PRKAG2: variants seen among roughly 807,000 people sequenced by gnomAD.
The protein encoded by PRKAG2 is 5'-AMP-activated protein kinase subunit gamma-2.
In PRKAG2, 26 loss-of-function variants were observed where a neutral mutation model predicts 69.6. The observed-to-expected ratio is 0.37, with a 90% confidence interval of 0.27 to 0.52. PRKAG2 has a LOEUF of 0.52. PRKAG2 is among the 20% of genes least tolerant of loss of function. The pLI is 0.90. For missense variants in PRKAG2, 557 were observed against 740.0 expected (o/e 0.75, Z 2.87); for synonymous variants, 293 against 285.0 (o/e 1.03, Z -0.28).
chr7:151,615,201 A>G (rs1005091491), intron 5 of PRKAG2, among the ~76,000 whole-genome samples: 1 of 152,232 alleles, frequency 6.6e-6, no homozygotes, highest in Non-Finnish European at 1.5e-5. Flanking sequence ...TGGAAAGGGC[A>G]TGATCTCATT....
chr7:151,578,906 G>A (rs139191812), intron 6 of PRKAG2, among the ~76,000 whole-genome samples: 8 of 152,244 alleles, frequency 5.3e-5, no homozygotes, highest in Non-Finnish European at 8.8e-5. Flanking sequence ...TGGAAAAGTC[G>A]CATGTAAATA....
chr7:151,818,141 A>G (rs556149405), intron 1 of PRKAG2, among the ~76,000 whole-genome samples: 1 of 152,346 alleles, frequency 6.6e-6, no homozygotes, highest in Non-Finnish European at 1.5e-5. Context: ...TTGGGGCCTT[A>G]TGATATTACA....
Position 151,565,872 on chromosome 7 carries a change from G to T in PRKAG2, c.1247C>A (p.Pro416Gln). 1 of 1,613,464 alleles carries T rather than the reference G, an allele frequency of 6.2e-7. No homozygotes were observed. The highest frequency in any genetic ancestry group is 1.1e-5 in the South Asian group (1 of 91,056). The change falls in exon 12 of 16, where the codon CCA becomes CAA. Residue 416 changes from proline (P) to glutamine (Q), a missense_variant. Physicochemically the swap from Pro to Gln is moderately conservative, Grantham distance 76. This residue lies in a region of PRKAG2 where 205 missense variants were observed against 383.4 expected (regional missense o/e 0.53). Coordinates refer to ENST00000287878, the MANE Select transcript of PRKAG2 (RefSeq NM_016203.4). ...KFLQLFMSDM[P>Q]KPAFMKQNLD... is the part of the protein sequence containing the mutation. ...GTTCTGCTTCATGAAGGCAGGCTTT[G>T]GCATATCAGACATCTAAACGGAAGA... is the stretch of plus-strand genomic sequence containing the variant.
chr7:151,670,073 CACCTGCATGCACACAT>C (rs1262717718), intron 4 of PRKAG2, among the ~76,000 whole-genome samples: 2 of 150,462 alleles, frequency 1.3e-5, no homozygotes, highest in Non-Finnish European at 3.0e-5. Context: ...CATGCACACT[CACCTGCATGCACACAT>C]ACCTGCATGC....
intron 1 of PRKAG2, among the ~76,000 whole-genome samples, chr7:151,860,041 C>G (rs2079879311): frequency 6.6e-6 from 1 of 152,188 alleles, no homozygotes; most frequent in South Asian, 2.1e-4. Context: ...GGCCGGGCAC[C>G]TGGAGCTGTA....
intron 4 of PRKAG2, among the ~76,000 whole-genome samples, chr7:151,639,501 A>G (rs1358231874): frequency 6.6e-6 from 1 of 152,164 alleles, no homozygotes; most frequent in Non-Finnish European, 1.5e-5. Flanking sequence ...TGAGTGGGGA[A>G]GATCTGCCTC....
chr7:151,870,805 G>C (rs551710993), intron 1 of PRKAG2, among the ~76,000 whole-genome samples: 2 of 152,216 alleles, frequency 1.3e-5, no homozygotes, highest in East Asian at 1.9e-4. Flanking sequence ...GCCACGCGGC[G>C]GGGGGAGGCA....
At position 151,850,346 on chromosome 7, in the gene PRKAG2, T is replaced by C. The variant is rs969537413; in HGVS notation, c.114+26161A>G. On this transcript the variant is annotated intron_variant, in intron 1 of 15. Transcript: ENST00000287878. This position sits in a 1 kb window ranked among gnomAD's most constrained non-coding sequence, Gnocchi z 4.1. ...TTCTCCTGGAAGGAGGGATCAAATC[T>C]GTCTAAGCTCCGAAGTAACCCTGCT... 2.6e-5 allele frequency among the ~76,000 whole-genome samples: 4 copies of C among 152,262 alleles called. No individual in the cohort carries two copies. Among genetic ancestry groups the C allele is most frequent in the African/African-American group, 9.6e-5 (4 of 41,482 alleles).
intron 1 of PRKAG2, among the ~76,000 whole-genome samples, chr7:151,797,734 A>G (rs1388032534): frequency 2.0e-5 from 3 of 152,256 alleles, no homozygotes; most frequent in Non-Finnish European, 4.4e-5. Flanking sequence ...GGACTTAAAA[A>G]GCAAGCCAGG....
chr7:151,726,694 C>A (rs1023064944), intron 3 of PRKAG2, among the ~76,000 whole-genome samples: 2 of 151,830 alleles, frequency 1.3e-5, no homozygotes, highest in Non-Finnish European at 2.9e-5. Flanking sequence ...GTGAAAGAAG[C>A]CAGACCAAAA....
At chr7:151,794,648 A>C (rs1030836361) in intron 1 of PRKAG2, among the ~76,000 whole-genome samples, 2 of 152,234 alleles carry the variant, frequency 1.3e-5, no homozygotes, top group African/African-American at 4.8e-5. Context: ...CTCACACTCA[A>C]CCAAGGCCTG....
intron 10 of PRKAG2, 107 bp from the exon 11 acceptor site, chr7:151,568,949 T>C: frequency 1.5e-6 from 2 of 1,298,658 alleles, no homozygotes; most frequent in Non-Finnish European, 2.2e-6. Context: ...ATTGCAATAA[T>C]AACAGTGTTT....
At chr7:151,851,950 G>A (rs1195927253) in intron 1 of PRKAG2, among the ~76,000 whole-genome samples, 1 of 152,212 alleles carries the variant, frequency 6.6e-6, no homozygotes, top group Non-Finnish European at 1.5e-5. Context: ...CCTCTCAGCT[G>A]GAGGGCAGGG....
At chr7:151,592,681 TAATCAATG>T (rs1813513229) in intron 6 of PRKAG2, among the ~76,000 whole-genome samples, 1 of 152,240 alleles carries the variant, frequency 6.6e-6, no homozygotes, top group Non-Finnish European at 1.5e-5. Context: ...TTTCTTTTCC[TAATCAATG>T]AATCAATGAA....
At chr7:151,870,232 T>C (rs567456646) in intron 1 of PRKAG2, among the ~76,000 whole-genome samples, 1 of 151,584 alleles carries the variant, frequency 6.6e-6, no homozygotes, top group South Asian at 2.1e-4. Context: ...GCAGAAGAAA[T>C]GGAACAGTAT....
chr7:151,703,597 C>A (rs947747749), intron 3 of PRKAG2, among the ~76,000 whole-genome samples: 3 of 152,050 alleles, frequency 2.0e-5, no homozygotes, highest in African/African-American at 7.2e-5. Context: ...ATCCATGTAA[C>A]CAGCACCCAG....
At chr7:151,633,160 A>G (rs1159770778) in intron 4 of PRKAG2, 1 of 152,262 alleles carries the variant, frequency 6.6e-6, no homozygotes, top group Non-Finnish European at 1.5e-5. Context: ...TGAAAGAGGA[A>G]GTCCTGAAAA....
intron 3 of PRKAG2, among the ~76,000 whole-genome samples, chr7:151,692,734 C>T (rs181294853): frequency 5.9e-5 from 9 of 152,286 alleles, no homozygotes; most frequent in East Asian, 1.9e-4. Context: ...CGGATGGAGA[C>T]GCCTCAGCAT....
intron 3 of PRKAG2, among the ~76,000 whole-genome samples, chr7:151,757,678 C>A (rs2075175253): frequency 6.6e-6 from 1 of 152,216 alleles, no homozygotes; most frequent in Non-Finnish European, 1.5e-5. Context: ...AAGAACCCCC[C>A]AAACCAGACT....
Sources: gnomAD v4.1 joint callset for allele counts (sites outside exome capture counted in the v4.1 genomes callset) on GRCh38, gnomAD v4.1.1 for gene constraint, gnomAD v4.1.1 regional missense constraint, Gnocchi (gnomAD v3.1) non-coding constraint, MANE v1.5 for transcripts, NCBI Gene and HGNC (gene_info 2026-07-23, HGNC 2026-07-21) for gene names.